HRH1: variants seen among roughly 807,000 people sequenced by gnomAD.
HRH1 encodes the protein histamine H1 receptor.
HRH1 carries 6 observed loss-of-function variants against 10.3 expected under a neutral mutation model. The observed-to-expected ratio is 0.58, with a 90% CI of 0.32 to 1.15. The LOEUF is 1.15. HRH1 is among the 50% of genes most tolerant of loss of function. The pLI is 0.05. For synonymous variants in HRH1, 242 were observed against 236.7 expected (o/e 1.02, Z -0.21); for missense variants, 514 against 615.3 (o/e 0.84, Z 1.74).
At chr3:11,159,583 G>T (rs2125007721) in intron 1 of HRH1, among the ~76,000 whole-genome samples, 1 of 152,256 alleles carries the variant, frequency 6.6e-6, no homozygotes, top group East Asian at 1.9e-4. Flanking sequence ...TTTATTTCCA[G>T]CTTATATTTA....
rs778455604 is a variant in HRH1, at chr3:11,259,253, G to A, written c.216G>A (p.Ala72=). The A allele has an allele frequency of 1.4e-5, 23 of 1,607,580 alleles. No individual in the cohort carries two copies. The highest frequency in any genetic ancestry group is 2.7e-5 in the African/African-American group (2 of 73,866). The change falls in exon 2 of 2, where the codon GCG becomes GCA. Residue 72 remains alanine, a synonymous_variant. Coordinates refer to ENST00000431010, the MANE Select transcript of HRH1 (RefSeq NM_001098212.2). The surrounding 1 kb of genome is among the most constrained non-coding windows in gnomAD (Gnocchi z 4.6). The stretch of plus-strand genomic sequence containing the variant: ...TGTACATCGTCAGCCTCTCGGTGGC[G>A]GACTTGATCGTGGGTGCCGTCGTCA... ...GNLYIVSLSV[A]DLIVGAVVMP... is the part of the protein sequence containing the mutation.
At position 11,219,993 on chromosome 3, in the gene HRH1, GAAGGAAGTATTGGCTAC is replaced by G. The variant is rs1274014391; in HGVS notation, c.-35-39007_-35-38991del. On this transcript the variant is annotated intron_variant, in intron 1 of 1. Transcript: ENST00000431010. ...TTTACAATAAATTTTTCTGAAAAAG[GAAGGAAGTATTGGCTAC>G]AAACAGAGTAGTCACGCAGACCAAG... Among the ~76,000 whole-genome samples the G allele has an allele frequency of 1.9e-4, 28 of 148,366 alleles. No individual in the cohort carries two copies. In the East Asian group the frequency reaches 5.2e-3, roughly 27 times the overall value.
chr3:11,183,312 G>A (rs1937392150), intron 1 of HRH1, among the ~76,000 whole-genome samples: 1 of 152,150 alleles, frequency 6.6e-6, no homozygotes, highest in South Asian at 2.1e-4. Context: ...GTGTCCTTTG[G>A]CAGGAAACCT....
At chr3:11,170,969 T>G (rs138044592) in intron 1 of HRH1, among the ~76,000 whole-genome samples, 1 of 152,070 alleles carries the variant, frequency 6.6e-6, no homozygotes, top group Non-Finnish European at 1.5e-5. Context: ...AGATAAGCAG[T>G]GTCATATTGT....
intron 1 of HRH1, among the ~76,000 whole-genome samples, chr3:11,227,286 C>CTTT (rs111275947): frequency 7.0e-6 from 1 of 142,974 alleles, no homozygotes; most frequent in African/African-American, 2.6e-5. Flanking sequence ...TGATTAAGAT[C>CTTT]TTTTTTTTTT....
At chr3:11,250,521 C>T (rs932828783) in intron 1 of HRH1, among the ~76,000 whole-genome samples, 1 of 152,114 alleles carries the variant, frequency 6.6e-6, no homozygotes, top group Admixed American at 6.6e-5. Flanking sequence ...CTCTTTCCAA[C>T]TTCTGATAAG....
chr3:11,222,840 T>C (rs559489387), intron 1 of HRH1, among the ~76,000 whole-genome samples: 1 of 152,236 alleles, frequency 6.6e-6, no homozygotes, highest in African/African-American at 2.4e-5. Flanking sequence ...TAAATAATAG[T>C]TGTCCAAATG....
chr3:11,220,073 C>T (rs1474202537), intron 1 of HRH1, among the ~76,000 whole-genome samples: 1 of 151,304 alleles, frequency 6.6e-6, no homozygotes, highest in East Asian at 1.9e-4. Flanking sequence ...AGCTCCGTGA[C>T]TTTTGGCAAA....
chr3:11,196,843 C>G (rs1458601392), intron 1 of HRH1, among the ~76,000 whole-genome samples: 1 of 151,546 alleles, frequency 6.6e-6, no homozygotes, highest in African/African-American at 2.4e-5. Context: ...GGCACGGTAG[C>G]TCACGCCTGT....
intron 1 of HRH1, among the ~76,000 whole-genome samples, chr3:11,189,285 C>T (rs770836169): frequency 3.3e-5 from 5 of 152,286 alleles, no homozygotes; most frequent in East Asian, 1.9e-4. Context: ...GGTAGGGGAA[C>T]GGCTCTGGAT....
rs1317343970 is a variant in HRH1, at chr3:11,235,991, G to A, written c.-35-23012G>A. Among the ~76,000 whole-genome samples, 8 of 152,096 alleles carry A rather than the reference G, an allele frequency of 5.3e-5. No homozygotes were observed. In the South Asian group the frequency reaches 8.3e-4, roughly 16 times the overall value. On this transcript the variant is annotated intron_variant, in intron 1 of 1. Transcript: ENST00000431010. The stretch of plus-strand genomic sequence containing the variant: ...AGCCCAGGGAATTCATCACTGTGTC[G>A]CTCATTGGGCCCCAATGTTCCTCAC...
intron 1 of HRH1, among the ~76,000 whole-genome samples, chr3:11,157,735 G>T (rs1174726524): frequency 6.6e-6 from 1 of 152,198 alleles, no homozygotes; most frequent in Non-Finnish European, 1.5e-5. Context: ...TTGTGCAACA[G>T]CTTGGATGGC....
At chr3:11,234,404 G>A (rs1392652295) in intron 1 of HRH1, 2 of 1,604,166 alleles carry the variant, frequency 1.2e-6, no homozygotes, top group African/African-American at 2.7e-5. Context: ...TTCCTGCATG[G>A]CCCGGAACCG....
intron 1 of HRH1, among the ~76,000 whole-genome samples, chr3:11,223,992 T>C (rs2125041267): frequency 6.6e-6 from 1 of 152,262 alleles, no homozygotes; most frequent in East Asian, 1.9e-4. Flanking sequence ...AGGAGGAGGA[T>C]GGCCTTTCCC....
chr3:11,253,898 T>C (rs774245582), intron 1 of HRH1, among the ~76,000 whole-genome samples: 26 of 152,296 alleles, frequency 1.7e-4, no homozygotes, highest in Non-Finnish European at 3.7e-4. Context: ...ATAAGGGTCA[T>C]CTAAGAGTGG....
intron 1 of HRH1, among the ~76,000 whole-genome samples, chr3:11,253,901 A>G (rs1237479063): frequency 6.6e-6 from 1 of 152,132 alleles, no homozygotes; most frequent in Non-Finnish European, 1.5e-5. Context: ...AGGGTCATCT[A>G]AGAGTGGTTT....
At chr3:11,181,079 T>C (rs1937343245) in intron 1 of HRH1, among the ~76,000 whole-genome samples, 1 of 151,002 alleles carries the variant, frequency 6.6e-6, no homozygotes, top group South Asian at 2.1e-4. Flanking sequence ...GCCCAGGAGT[T>C]CAAGACCAGC....
intron 1 of HRH1, among the ~76,000 whole-genome samples, chr3:11,223,591 A>G (rs889135799): frequency 1.3e-5 from 2 of 152,078 alleles, no homozygotes; most frequent in African/African-American, 2.4e-5. Context: ...AGCTGCTCTG[A>G]GGGGCCTCTG....
chr3:11,234,451 A>G (rs977497586), intron 1 of HRH1: 10 of 1,594,984 alleles, frequency 6.3e-6, no homozygotes, highest in African/African-American at 2.7e-5. Context: ...CCTCCGTGCT[A>G]TAGTGGAAGC....
Sources: gnomAD v4.1 joint callset for allele counts (sites outside exome capture counted in the v4.1 genomes callset) on GRCh38, gnomAD v4.1.1 for gene constraint, Gnocchi (gnomAD v3.1) non-coding constraint, MANE v1.5 for transcripts, NCBI Gene and HGNC (gene_info 2026-07-23, HGNC 2026-07-21) for gene names.